PCDHA8: variants seen among roughly 807,000 people sequenced by gnomAD.
The protein encoded by PCDHA8 is protocadherin alpha 8.
PCDHA8 carries 53 observed loss-of-function variants against 61.8 expected under a neutral mutation model. The observed-to-expected ratio is 0.86, with a 90% CI of 0.69 to 1.08. PCDHA8 has a LOEUF of 1.08. Among genes scored for constraint, PCDHA8 ranks in the 50% least tolerant of loss-of-function variants. The probability of loss-of-function intolerance (pLI) is 0.00; values close to 1 mark genes in which losing one functional copy is unlikely to be tolerated. For missense variants in PCDHA8, 1,293 were observed against 1,245.0 expected, an observed-to-expected ratio of 1.04 and a Z score of -0.58; for synonymous variants, 618 against 556.6, an observed-to-expected ratio of 1.11 and a Z score of -1.55.
chr5:140,887,954 T>A (rs2061642378), intron 1 of PCDHA8, among the ~76,000 whole-genome samples: 1 of 152,240 alleles, frequency 6.6e-6, no homozygotes, highest in South Asian at 2.1e-4. Context: ...TGTATAAGAT[T>A]CTTTTTGTCT....
chr5:140,871,328 G>T (rs374687707), intron 1 of PCDHA8: 4 of 1,614,128 alleles, frequency 2.5e-6, no homozygotes, highest in African/African-American at 1.3e-5. Context: ...GTGTGCTCCC[G>T]CGCGGTGGGG....
intron 1 of PCDHA8, among the ~76,000 whole-genome samples, chr5:140,879,471 T>C (rs1320951448): frequency 1.3e-5 from 2 of 152,154 alleles, no homozygotes; most frequent in Non-Finnish European, 2.9e-5. Context: ...AGAATACCGT[T>C]GTGATTGGAA....
intron 1 of PCDHA8, among the ~76,000 whole-genome samples, chr5:140,935,903 T>TTC (rs1289164766): frequency 4.6e-4 from 69 of 151,456 alleles, no homozygotes; most frequent in African/African-American, 1.6e-3. Flanking sequence ...TCTTTTTTTT[T>TTC]TTTTTTTGAG....
chr5:140,876,478 G>A (rs782344970), intron 1 of PCDHA8: 1 of 1,614,032 alleles, frequency 6.2e-7, no homozygotes. Flanking sequence ...TCACAGCATG[G>A]TCCTGGTGGA....
chr5:140,885,293 G>C (rs945786135), intron 1 of PCDHA8, among the ~76,000 whole-genome samples: 8 of 152,122 alleles, frequency 5.3e-5, no homozygotes, highest in Non-Finnish European at 1.5e-5. Context: ...TATAGAGAGA[G>C]ACCTGGTAGG....
rs1022293477 is a variant in PCDHA8, at chr5:140,841,242, T to C, written c.-80T>C. 4.7e-6 allele frequency: 7 copies of C among 1,492,124 alleles called. No individual in the cohort carries two copies. The Admixed American group carries it at 6.7e-5, about 14-fold the overall frequency. The allele number at this position is 1,492,124 out of a possible 1,614,324, so 92.4% of individuals were successfully genotyped here. On this transcript the variant is annotated 5_prime_UTR_variant, in exon 1 of 4. Transcript: ENST00000531613. ...CCGAACAACGGGAGATGCAGCGGAATTGGATTAAAAGACTCTGAAAGTACA... is the reference window on the plus strand; with the variant it reads ...CCGAACAACGGGAGATGCAGCGGAACTGGATTAAAAGACTCTGAAAGTACA...
intron 1 of PCDHA8, chr5:140,967,360 G>A: frequency 1.2e-6 from 2 of 1,607,656 alleles, no homozygotes; most frequent in South Asian, 1.1e-5. Context: ...TGGACCTTAA[G>A]CCCCTGCAGG....
intron 1 of PCDHA8, chr5:140,926,553 A>T: frequency 4.3e-6 from 1 of 233,838 alleles, no homozygotes; most frequent in East Asian, 9.1e-5. Context: ...TCGAGACCCC[A>T]GCCCGCTGCT....
At chr5:140,915,445 G>C (rs2077121673) in intron 1 of PCDHA8, among the ~76,000 whole-genome samples, 1 of 152,024 alleles carries the variant, frequency 6.6e-6, no homozygotes, top group Non-Finnish European at 1.5e-5. Context: ...TTCTTGAGAA[G>C]GTTTTCCAGA....
chr5:140,879,125 A>C (rs1251255000), intron 1 of PCDHA8, among the ~76,000 whole-genome samples: 2 of 152,244 alleles, frequency 1.3e-5, no homozygotes, highest in African/African-American at 2.4e-5. Flanking sequence ...GGATTAGAGC[A>C]GGGGAGATTG....
In PCDHA8 at chr5:141,011,207, G is replaced by A. The variant is rs79928365; in HGVS notation, c.*1270G>A. On this transcript the variant is annotated 3_prime_UTR_variant, in exon 4 of 4. Coordinates refer to ENST00000531613, the MANE Select transcript of PCDHA8 (RefSeq NM_018911.3). Reference sequence around the variant, plus strand: ...GAAAAATATTGTTTTCTCATACAGTGAGCAGATTTTTCAATCTACTAATTC... The same window carrying A: ...GAAAAATATTGTTTTCTCATACAGTAAGCAGATTTTTCAATCTACTAATTC... 325 of 153,804 alleles carry A rather than the reference G, an allele frequency of 2.1e-3. 2 individuals are homozygous for A. The highest frequency in any genetic ancestry group is 7.1e-3 in the African/African-American group (293 of 41,546). 9.5% of individuals were successfully genotyped at this position (153,804 alleles called of 1,614,324 possible). A position where few individuals can be genotyped will look rare whatever the true frequency, so the allele number is the denominator to read the frequency against.
intron 1 of PCDHA8, among the ~76,000 whole-genome samples, chr5:140,942,747 A>C (rs1291200302): frequency 6.6e-6 from 1 of 152,232 alleles, no homozygotes; most frequent in African/African-American, 2.4e-5. Flanking sequence ...AAAATCTTGT[A>C]TAAATGAGAT....
chr5:140,853,847 G>T, intron 1 of PCDHA8: 1 of 986,430 alleles, frequency 1.0e-6, no homozygotes, highest in Non-Finnish European at 1.2e-6. Flanking sequence ...TAGATCCATA[G>T]CCCTATTTGA....
rs781892888 is a variant in PCDHA8, at chr5:140,967,565, C to T, written c.2395-11384C>T. Reference sequence around the variant, plus strand: ...CCAGTCCACTTATCGCGTCCAGCTACGGGAGGACTCACCCCCAGGCACATT... The same window carrying T: ...CCAGTCCACTTATCGCGTCCAGCTATGGGAGGACTCACCCCCAGGCACATT... On this transcript the variant is annotated intron_variant, in intron 1 of 3. Transcript: ENST00000531613. The T allele has an allele frequency of 3.1e-6, 5 of 1,614,080 alleles. No individual in the cohort carries two copies. The highest frequency in any genetic ancestry group is 2.7e-5 in the African/African-American group (2 of 75,044).
intron 3 of PCDHA8, among the ~76,000 whole-genome samples, chr5:141,007,907 A>G (rs1402621923): frequency 6.6e-6 from 1 of 152,186 alleles, no homozygotes; most frequent in Non-Finnish European, 1.5e-5. Flanking sequence ...TTCTTTGTTG[A>G]AGATGCTATA....
At chr5:140,896,555 T>C (rs2065621728) in intron 1 of PCDHA8, among the ~76,000 whole-genome samples, 1 of 151,910 alleles carries the variant, frequency 6.6e-6, no homozygotes, top group African/African-American at 2.4e-5. Context: ...TTTTGTATTT[T>C]AAGTAGAGAT....
At chr5:140,857,001 A>T in intron 1 of PCDHA8, 1 of 1,595,350 alleles carries the variant, frequency 6.3e-7, no homozygotes, top group Non-Finnish European at 8.6e-7. Flanking sequence ...TATGAAATTC[A>T]TGTAGATGTT....
At chr5:141,004,188 TA>T (rs1391411358) in intron 3 of PCDHA8, among the ~76,000 whole-genome samples, 5 of 152,260 alleles carry the variant, frequency 3.3e-5, no homozygotes, top group African/African-American at 1.2e-4. Flanking sequence ...TGAGTGCTCT[TA>T]ACCAAAAGGA....
chr5:140,884,273 C>T (rs1554181411), intron 1 of PCDHA8: 2 of 1,613,468 alleles, frequency 1.2e-6, no homozygotes, highest in Admixed American at 3.3e-5. Context: ...GCTGTTGTCG[C>T]TGGTGGAGAG....
Sources: gnomAD v4.1 joint callset for allele counts (sites outside exome capture counted in the v4.1 genomes callset) on GRCh38, gnomAD v4.1.1 for gene constraint, MANE v1.5 for transcripts, NCBI Gene and HGNC (gene_info 2026-07-23, HGNC 2026-07-21) for gene names.